ARHGAP24: variants seen among roughly 807,000 people sequenced by gnomAD.
ARHGAP24 encodes the protein Rho GTPase activating protein 24.
In ARHGAP24, 50 loss-of-function variants were observed where a neutral mutation model predicts 76.4. The observed-to-expected ratio is 0.65, with a 90% confidence interval of 0.52 to 0.83. The LOEUF is 0.83. Among genes scored for constraint, ARHGAP24 ranks in the 40% least tolerant of loss-of-function variants. ARHGAP24 has a pLI of 0.00. For synonymous variants in ARHGAP24, 345 were observed against 323.3 expected (o/e 1.07, Z -0.72); for missense variants, 930 against 914.2 (o/e 1.02, Z -0.22).
chr4:85,747,564 G>A (rs1336625799), intron 3 of ARHGAP24, among the ~76,000 whole-genome samples: 2 of 151,786 alleles, frequency 1.3e-5, no homozygotes, highest in East Asian at 3.9e-4. Flanking sequence ...TTAGCCGGGC[G>A]TAGTGGCGGG....
chr4:85,734,669 C>T (rs1445607361), intron 3 of ARHGAP24, among the ~76,000 whole-genome samples: 1 of 103,166 alleles, frequency 9.7e-6, no homozygotes, highest in Non-Finnish European at 2.0e-5. Flanking sequence ...TAGCAGCAAT[C>T]ACATTGTCCT....
At chr4:85,835,376 G>T (rs897555801) in intron 3 of ARHGAP24, among the ~76,000 whole-genome samples, 3 of 151,838 alleles carry the variant, frequency 2.0e-5, no homozygotes, top group Admixed American at 6.6e-5. Context: ...TAGCTAACAC[G>T]GTGAAACCCC....
intron 2 of ARHGAP24, 42 bp downstream of exon 2, chr4:85,570,763 C>G: frequency 1.6e-5 from 26 of 1,606,508 alleles, no homozygotes; most frequent in Non-Finnish European, 2.1e-5. Context: ...CCTAAGAAAG[C>G]CAAGAAATAG....
intron 2 of ARHGAP24, among the ~76,000 whole-genome samples, 198 bp from the exon 3 acceptor site, chr4:85,721,687 T>C (rs1002209372): frequency 7.9e-5 from 12 of 152,202 alleles, no homozygotes; most frequent in Non-Finnish European, 2.9e-5. Flanking sequence ...ACATATTAGA[T>C]GCTCAACAAG....
intron 1 of ARHGAP24, among the ~76,000 whole-genome samples, chr4:85,529,569 T>C (rs1725170013): frequency 6.6e-6 from 1 of 152,020 alleles, no homozygotes; most frequent in South Asian, 2.1e-4. Context: ...CAGATAATTC[T>C]TTGTTGTTGG....
At chr4:85,512,132 G>A (rs1044584083) in intron 1 of ARHGAP24, among the ~76,000 whole-genome samples, 2 of 152,112 alleles carry the variant, frequency 1.3e-5, no homozygotes, top group Non-Finnish European at 2.9e-5. Context: ...TCTTTTGAGG[G>A]CACACAATTC....
At chr4:85,751,095 A>G (rs183580384) in intron 3 of ARHGAP24, among the ~76,000 whole-genome samples, 3 of 152,356 alleles carry the variant, frequency 2.0e-5, no homozygotes, top group African/African-American at 7.2e-5. Flanking sequence ...GTGTGTGCAC[A>G]TTATTTATGT....
At chr4:85,986,437 A>G (rs975370330) in intron 8 of ARHGAP24, among the ~76,000 whole-genome samples, 17 of 152,214 alleles carry the variant, frequency 1.1e-4, no homozygotes, top group Admixed American at 1.1e-3. Context: ...AACAGGCAAT[A>G]CATGCCTATG....
intron 2 of ARHGAP24, among the ~76,000 whole-genome samples, chr4:85,669,601 A>AT (rs1722749741): frequency 6.8e-6 from 1 of 146,670 alleles, no homozygotes; most frequent in African/African-American, 2.5e-5. Flanking sequence ...AAAAATCTGA[A>AT]TTAAAAAGTT....
chr4:85,874,690 T>C (rs1361574486), intron 3 of ARHGAP24, among the ~76,000 whole-genome samples: 1 of 148,694 alleles, frequency 6.7e-6, no homozygotes, highest in Non-Finnish European at 1.5e-5. Flanking sequence ...GGAGATATTG[T>C]ATTTAAAAAA....
chr4:85,773,237 A>G (rs1013737539), intron 3 of ARHGAP24, among the ~76,000 whole-genome samples: 3 of 152,176 alleles, frequency 2.0e-5, no homozygotes, highest in Non-Finnish European at 4.4e-5. Flanking sequence ...TAGAAATGTC[A>G]TAGTCCTTTA....
intron 3 of ARHGAP24, among the ~76,000 whole-genome samples, chr4:85,798,369 C>T (rs1728451646): frequency 6.6e-6 from 1 of 152,084 alleles, no homozygotes; most frequent in Non-Finnish European, 1.5e-5. Context: ...TCTGTGAGTG[C>T]CAAGAGTTGG....
At chr4:85,976,262 A>G (rs1006190027) in intron 7 of ARHGAP24, among the ~76,000 whole-genome samples, 22 of 152,234 alleles carry the variant, frequency 1.4e-4, no homozygotes, top group Non-Finnish European at 2.8e-4. Context: ...TTTAGGCTGT[A>G]TAACAGTAGT....
At chr4:85,728,880 T>A (rs1002836560) in intron 3 of ARHGAP24, among the ~76,000 whole-genome samples, 1 of 152,238 alleles carries the variant, frequency 6.6e-6, no homozygotes, top group African/African-American at 2.4e-5. Flanking sequence ...ATTGGCTACA[T>A]TAACTTGCTG....
chr4:85,554,018 G>T (rs1368729517), intron 1 of ARHGAP24, among the ~76,000 whole-genome samples: 1 of 152,102 alleles, frequency 6.6e-6, no homozygotes, highest in African/African-American at 2.4e-5. Context: ...AGGGTTAATG[G>T]ATTCCATCAC....
chr4:85,992,527 A>G (rs1180359309), intron 8 of ARHGAP24, among the ~76,000 whole-genome samples: 1 of 152,164 alleles, frequency 6.6e-6, no homozygotes, highest in Non-Finnish European at 1.5e-5. Context: ...TCAAATGTTA[A>G]CATTCCAATG....
intron 1 of ARHGAP24, among the ~76,000 whole-genome samples, chr4:85,477,186 C>G (rs574838468): frequency 6.6e-6 from 1 of 152,224 alleles, no homozygotes; most frequent in African/African-American, 2.4e-5. Flanking sequence ...AGGTATGGTA[C>G]TAGGAAAAAT....
intron 1 of ARHGAP24, among the ~76,000 whole-genome samples, 177 bp from the exon 2 acceptor site, chr4:85,570,345 C>G (rs982923233): frequency 2.7e-5 from 4 of 147,350 alleles, no homozygotes; most frequent in African/African-American, 1.0e-4. Flanking sequence ...TTCTTTTTTT[C>G]TTTCTTCTTT....
At position 85,590,605 on chromosome 4, in the gene ARHGAP24, C is replaced by G. The variant is rs1394536923; in HGVS notation, c.180+19884C>G. On this transcript the variant is annotated intron_variant, in intron 2 of 9. Transcript: ENST00000395184. ...GAACTCCTGACCTCAGGTGATCCAC[C>G]TGCCTTGGCCTCCCAAAGTGCTGGG... Among the ~76,000 whole-genome samples, 4 of 152,142 alleles carry G rather than the reference C, an allele frequency of 2.6e-5. No individual in the cohort carries two copies. The East Asian group carries it at 7.8e-4, about 29-fold the overall frequency.
Sources: allele counts gnomAD v4.1 joint callset (sites outside exome capture counted in the v4.1 genomes callset), GRCh38; gene constraint gnomAD v4.1.1; transcripts MANE v1.5; gene names NCBI Gene and HGNC (gene_info 2026-07-23, HGNC 2026-07-21).